The following PPARG variants were observed in gnomAD, a reference collection of about 807,000 sequenced individuals.
PPARG encodes the protein peroxisome proliferator activated receptor gamma, also known as peroxisome proliferator-activated receptor gamma.
In PPARG, 17 loss-of-function variants were observed where a neutral mutation model predicts 39.2. The ratio of observed to expected loss-of-function variants is 0.43; its 90% CI spans 0.30 to 0.65. The LOEUF (loss-of-function observed/expected upper bound fraction) is 0.65, where lower values mean the gene tolerates loss of function less well. Among genes scored for constraint, PPARG ranks in the 30% least tolerant of loss-of-function variants. PPARG has a pLI of 0.13. For synonymous variants in PPARG, 223 were observed against 215.7 expected (o/e 1.03, Z -0.30); for missense variants, 406 against 585.9 (o/e 0.69, Z 3.17).
At chr3:12,326,938 C>A (rs1183604630) in intron 2 of PPARG, among the ~76,000 whole-genome samples, 1 of 152,022 alleles carries the variant, frequency 6.6e-6, no homozygotes, top group Non-Finnish European at 1.5e-5. Flanking sequence ...AGATAGCCAT[C>A]CTATGAGAAT....
chr3:12,347,633 T>C (rs2048365972), intron 2 of PPARG, among the ~76,000 whole-genome samples: 1 of 152,188 alleles, frequency 6.6e-6, no homozygotes, highest in Admixed American at 6.5e-5. Context: ...AGAAGTGAGC[T>C]TGGCTGGTCA....
chr3:12,325,468 G>A (rs944235178), intron 2 of PPARG, among the ~76,000 whole-genome samples: 4 of 151,916 alleles, frequency 2.6e-5, no homozygotes, highest in African/African-American at 9.7e-5. Flanking sequence ...CAGTGTCGTG[G>A]TGTGCACCTG....
intron 2 of PPARG, among the ~76,000 whole-genome samples, chr3:12,354,457 A>C (rs554080318): frequency 7.0e-6 from 1 of 143,140 alleles, no homozygotes; most frequent in East Asian, 2.0e-4. Flanking sequence ...CGTTTAAAAA[A>C]AGAAAAGGCT....
rs1218356709 is a variant in PPARG at position 12,312,370 on chromosome 3, T to C, written c.-82-10T>C. 1 of 152,262 alleles carries C rather than the reference T, an allele frequency of 6.6e-6. No individual in the cohort carries two copies. Among genetic ancestry groups the C allele is most frequent in the Non-Finnish European group, 1.5e-5 (1 of 68,050 alleles). 9.4% of individuals were successfully genotyped at this position (152,262 alleles called of 1,614,324 possible). Reference sequence around the variant, plus strand: ...TATATTGAAAATCTTGTCTCTTTTTTATTGTTAAGATTTGAAAGAAGCCAA... The same window carrying C: ...TATATTGAAAATCTTGTCTCTTTTTCATTGTTAAGATTTGAAAGAAGCCAA... On this transcript the variant is annotated splice_polypyrimidine_tract_variant and intron_variant, in intron 1 of 7. Coordinates refer to ENST00000651735, the MANE Select transcript of PPARG (RefSeq NM_138711.6).
intron 7 of PPARG, among the ~76,000 whole-genome samples, chr3:12,425,052 A>G (rs1244322344): frequency 1.3e-5 from 2 of 152,206 alleles, no homozygotes; most frequent in African/African-American, 2.4e-5. Flanking sequence ...GCTTATTACA[A>G]TATAAATACC....
intron 2 of PPARG, among the ~76,000 whole-genome samples, chr3:12,337,540 A>C (rs986376167): frequency 1.4e-4 from 22 of 152,232 alleles, no homozygotes; most frequent in African/African-American, 5.1e-4. Context: ...AGAAAATCTT[A>C]GAAGCCATCT....
chr3:12,400,749 A>G (rs1234157647), intron 5 of PPARG, among the ~76,000 whole-genome samples: 1 of 152,250 alleles, frequency 6.6e-6, no homozygotes, highest in African/African-American at 2.4e-5. Context: ...CATTTTCTTG[A>G]GTACTATGTA....
intron 7 of PPARG, among the ~76,000 whole-genome samples, chr3:12,426,074 A>G (rs1349978424): frequency 1.3e-5 from 2 of 152,154 alleles, no homozygotes; most frequent in Non-Finnish European, 2.9e-5. Flanking sequence ...TGTTGAGATG[A>G]GGCAAGTTGA....
intron 2 of PPARG, among the ~76,000 whole-genome samples, chr3:12,370,237 C>T (rs181710998): frequency 7.3e-5 from 11 of 151,690 alleles, no homozygotes; most frequent in Admixed American, 5.3e-4. Context: ...TTCTAGCTTC[C>T]AGTGTTACTG....
chr3:12,412,488 T>C (rs1355311719), intron 6 of PPARG, among the ~76,000 whole-genome samples: 1 of 152,148 alleles, frequency 6.6e-6, no homozygotes, highest in African/African-American at 2.4e-5. Context: ...ATATTGAAAA[T>C]TGAAATATAT....
At chr3:12,300,436 C>T (rs2124950856) in intron 1 of PPARG, among the ~76,000 whole-genome samples, 1 of 152,326 alleles carries the variant, frequency 6.6e-6, no homozygotes, top group East Asian at 1.9e-4. Flanking sequence ...TCGACTTAGC[C>T]TGCTGTATGA....
chr3:12,312,046 G>A (rs2047261380), intron 1 of PPARG, among the ~76,000 whole-genome samples: 1 of 152,200 alleles, frequency 6.6e-6, no homozygotes, highest in Admixed American at 6.5e-5. Flanking sequence ...CGTCATTCAT[G>A]TGACATAAAA....
chr3:12,316,301 G>A (rs896200399), intron 2 of PPARG, among the ~76,000 whole-genome samples: 4 of 152,146 alleles, frequency 2.6e-5, no homozygotes, highest in Non-Finnish European at 4.4e-5. Context: ...GGTAACTCTT[G>A]TGTATGTTCA....
At chr3:12,379,028 G>A (rs988628689) in intron 2 of PPARG, among the ~76,000 whole-genome samples, 1 of 151,614 alleles carries the variant, frequency 6.6e-6, no homozygotes, top group African/African-American at 2.4e-5. Context: ...TTTTTTTGAG[G>A]TGGAGTCTTG....
At chr3:12,342,042 A>C (rs992306770) in intron 2 of PPARG, among the ~76,000 whole-genome samples, 1 of 152,198 alleles carries the variant, frequency 6.6e-6, no homozygotes, top group Non-Finnish European at 1.5e-5. Context: ...ACATATCACC[A>C]TTCTAACTTA....
chr3:12,429,918 C>T (rs1434707392), intron 7 of PPARG, among the ~76,000 whole-genome samples: 1 of 152,174 alleles, frequency 6.6e-6, no homozygotes, highest in African/African-American at 2.4e-5. Context: ...AGATCTTTTG[C>T]TGATGGTTCC....
intron 2 of PPARG, among the ~76,000 whole-genome samples, chr3:12,337,118 A>G (rs1188190745): frequency 6.6e-6 from 1 of 152,250 alleles, no homozygotes; most frequent in South Asian, 2.1e-4. Flanking sequence ...TATTGACTCT[A>G]TGAGTTACTA....
intron 2 of PPARG, among the ~76,000 whole-genome samples, chr3:12,335,904 C>T (rs188242845): frequency 2.7e-3 from 404 of 151,974 alleles, no homozygotes; most frequent in African/African-American, 8.9e-3. Flanking sequence ...GACGTCGTGA[C>T]ACCACTGTCC....
At chr3:12,403,418 C>T (rs780063553) in intron 5 of PPARG, among the ~76,000 whole-genome samples, 3 of 151,968 alleles carry the variant, frequency 2.0e-5, no homozygotes, top group South Asian at 2.1e-4. Flanking sequence ...GGCTCTATCA[C>T]GACTCACTGC....
Sources: allele counts gnomAD v4.1 joint callset (sites outside exome capture counted in the v4.1 genomes callset), GRCh38; gene constraint gnomAD v4.1.1; transcripts MANE v1.5; gene names NCBI Gene and HGNC (gene_info 2026-07-23, HGNC 2026-07-21).